The following TP63 variants were observed in gnomAD, a reference collection of about 807,000 sequenced individuals.
The protein encoded by TP63 is tumor protein p63.
Under a neutral mutation model 82.8 loss-of-function variants are expected in TP63, and 17 were observed. The observed-to-expected ratio is 0.21, with a 90% confidence interval of 0.14 to 0.31. The LOEUF (loss-of-function observed/expected upper bound fraction) is 0.31. Among genes scored for constraint, TP63 ranks in the 10% least tolerant of loss-of-function variants. The probability of loss-of-function intolerance (pLI) is 1.00; values close to 1 mark genes in which losing one functional copy is unlikely to be tolerated. For missense variants in TP63, 648 were observed against 895.3 expected (o/e 0.72, Z 3.52); for synonymous variants, 330 against 321.7 (o/e 1.03, Z -0.28).
Position 189,634,512 on chromosome 3 carries a change from T to C in TP63, c.62+2935T>C, listed in dbSNP as rs373763774. Among the ~76,000 whole-genome samples the C allele has an allele frequency of 1.1e-4, 16 of 152,178 alleles. No individual in the cohort carries two copies. In the East Asian group the frequency reaches 2.9e-3, roughly 28 times the overall value. On this transcript the variant is annotated intron_variant, in intron 1 of 13. Coordinates refer to ENST00000264731, the MANE Select transcript of TP63 (RefSeq NM_003722.5). ...CTTTCCACTTAAACATATTACCATATTGAGCATTTAGTTGTGCCCTGATGT... is the reference window on the plus strand; with the variant it reads ...CTTTCCACTTAAACATATTACCATACTGAGCATTTAGTTGTGCCCTGATGT...
At chr3:189,707,932 C>T (rs966217090) in intron 1 of TP63, among the ~76,000 whole-genome samples, 2 of 152,160 alleles carry the variant, frequency 1.3e-5, no homozygotes, top group African/African-American at 4.8e-5. Flanking sequence ...TATACAAAGA[C>T]ATGCAAGTAT....
At chr3:189,870,711 A>G (rs890296901) in intron 9 of TP63, among the ~76,000 whole-genome samples, 2 of 152,140 alleles carry the variant, frequency 1.3e-5, no homozygotes, top group Non-Finnish European at 2.9e-5. Flanking sequence ...GGTTGCAGTT[A>G]GTTAGTTGAA....
intron 4 of TP63, among the ~76,000 whole-genome samples, chr3:189,838,636 G>A (rs115966872): frequency 0.011 from 1,649 of 151,878 alleles, 33 homozygotes; most frequent in African/African-American, 0.037. Flanking sequence ...TGGCCCACAC[G>A]GTACCTAATT....
At chr3:189,872,744 G>C (rs914803878) in intron 9 of TP63, 115 bp from the exon 10 acceptor site, 1 of 1,445,680 alleles carries the variant, frequency 6.9e-7, no homozygotes, top group South Asian at 1.2e-5. Flanking sequence ...ACAAATAAAC[G>C]TTAGCAAATA....
At chr3:189,796,874 T>G (rs1725761564) in intron 3 of TP63, among the ~76,000 whole-genome samples, 1 of 152,084 alleles carries the variant, frequency 6.6e-6, no homozygotes, top group Non-Finnish European at 1.5e-5. Flanking sequence ...CTAACTTTAT[T>G]CTGATTTTGA....
At chr3:189,620,953 T>C in the TP63 span, among the ~76,000 whole-genome samples, 1 of 152,212 alleles carries the variant, frequency 6.6e-6, no homozygotes, top group Non-Finnish European at 1.5e-5. Flanking sequence ...TGGCATAATA[T>C]TTTTCACTCA....
At chr3:189,755,235 C>T (rs1420105732) in intron 3 of TP63, among the ~76,000 whole-genome samples, 3 of 152,084 alleles carry the variant, frequency 2.0e-5, no homozygotes, top group Non-Finnish European at 4.4e-5. Context: ...GGTTGTCTCT[C>T]TGTACCATTT....
chr3:189,635,480 C>T (rs1184828746), intron 1 of TP63, among the ~76,000 whole-genome samples: 1 of 152,044 alleles, frequency 6.6e-6, no homozygotes, highest in African/African-American at 2.4e-5. Context: ...ATTGCTTTAA[C>T]AGGTCTTTTC....
chr3:189,665,158 A>G (rs1373660287), intron 1 of TP63, among the ~76,000 whole-genome samples: 2 of 152,098 alleles, frequency 1.3e-5, no homozygotes, highest in East Asian at 3.9e-4. Context: ...AGAGTGTACT[A>G]CCACCCGTGG....
intron 3 of TP63, among the ~76,000 whole-genome samples, chr3:189,805,044 T>C: frequency 6.6e-6 from 1 of 152,194 alleles, no homozygotes; most frequent in East Asian, 1.9e-4. Context: ...TTTAAAACTA[T>C]GACGCCTAAA....
chr3:189,837,212 T>C (rs1050277872), intron 4 of TP63, among the ~76,000 whole-genome samples: 3 of 152,144 alleles, frequency 2.0e-5, no homozygotes, highest in East Asian at 1.9e-4. Context: ...CAAAACATTT[T>C]TTTTTTCTCT....
At chr3:189,784,636 A>C (rs1724462526) in intron 3 of TP63, among the ~76,000 whole-genome samples, 1 of 152,120 alleles carries the variant, frequency 6.6e-6, no homozygotes, top group South Asian at 2.1e-4. Flanking sequence ...CATGTATACA[A>C]ATAAAAAATT....
chr3:189,740,788 C>A (rs544627286), intron 3 of TP63, among the ~76,000 whole-genome samples: 11 of 152,234 alleles, frequency 7.2e-5, no homozygotes, highest in African/African-American at 2.6e-4. Flanking sequence ...GCATGAGCCA[C>A]CACACCTGTT....
At chr3:189,765,243 G>C (rs1722848601) in intron 3 of TP63, among the ~76,000 whole-genome samples, 1 of 17,476 alleles carries the variant, frequency 5.7e-5, no homozygotes, top group South Asian at 1.2e-3. Context: ...AGAATATAGA[G>C]CAGAAAAAAA....
intron 1 of TP63, among the ~76,000 whole-genome samples, chr3:189,667,581 G>A (rs1714513317): frequency 6.6e-6 from 1 of 152,030 alleles, no homozygotes; most frequent in South Asian, 2.1e-4. Flanking sequence ...GTCTGGCTAT[G>A]GGATAATCTT....
intron 4 of TP63, among the ~76,000 whole-genome samples, chr3:189,824,821 G>A (rs1008838718): frequency 6.8e-6 from 1 of 146,358 alleles, no homozygotes; most frequent in African/African-American, 2.5e-5. Flanking sequence ...CCCAGGCATC[G>A]GTTTTGTAGG....
intron 3 of TP63, chr3:189,789,758 G>T: frequency 6.4e-7 from 1 of 1,566,922 alleles, no homozygotes; most frequent in Non-Finnish European, 8.6e-7. Context: ...AAATCCTGGA[G>T]CCAGAAGAAA....
chr3:189,878,539 C>T (rs1719511333), intron 10 of TP63, among the ~76,000 whole-genome samples: 1 of 150,056 alleles, frequency 6.7e-6, no homozygotes, highest in Admixed American at 6.6e-5. Context: ...CAGATGCCTG[C>T]CACCATGCCC....
chr3:189,863,967 G>A lies in TP63; in HGVS notation c.580-265G>A, dbSNP rs574629160. Among the ~76,000 whole-genome samples, 7 of 152,188 alleles carry A rather than the reference G, an allele frequency of 4.6e-5. No homozygotes were observed. In the South Asian group the frequency reaches 1.5e-3, roughly 32 times the overall value. On this transcript the variant is annotated intron_variant, in intron 4 of 13. Coordinates refer to ENST00000264731, the MANE Select transcript of TP63 (RefSeq NM_003722.5). ...GAGCCTCAGCTTCTTCATGCTAAAG[G>A]AAAATAACAGGAAATAATGGCATAA...
Sources: gnomAD v4.1 joint callset for allele counts (sites outside exome capture counted in the v4.1 genomes callset) on GRCh38, gnomAD v4.1.1 for gene constraint, MANE v1.5 for transcripts, NCBI Gene and HGNC (gene_info 2026-07-23, HGNC 2026-07-21) for gene names.